The following ALCAM variants were observed in gnomAD, a reference collection of about 807,000 sequenced individuals.
The protein encoded by ALCAM is activated leukocyte cell adhesion molecule.
A neutral mutation model predicts 70.9 loss-of-function variants in ALCAM; 30 were observed. That is an observed-to-expected ratio of 0.42 (90% CI 0.32 to 0.57). ALCAM has a LOEUF of 0.57. ALCAM is among the 20% of genes least tolerant of loss of function. The pLI is 0.11. For synonymous variants in ALCAM, 249 were observed against 242.5 expected, an observed-to-expected ratio of 1.03 and a Z score of -0.25; for missense variants, 591 against 695.1, an observed-to-expected ratio of 0.85 and a Z score of 1.68.
intron 1 of ALCAM, among the ~76,000 whole-genome samples, chr3:105,386,735 G>A (rs1351669048): frequency 4.0e-5 from 6 of 151,196 alleles, no homozygotes; most frequent in Non-Finnish European, 7.4e-5. Context: ...AATTTGTGTG[G>A]AAAGTATATT....
intron 1 of ALCAM, among the ~76,000 whole-genome samples, chr3:105,512,720 G>C (rs767628111): frequency 4.5e-4 from 69 of 151,810 alleles, no homozygotes; most frequent in Non-Finnish European, 7.4e-5. Flanking sequence ...TTGAGAAAAT[G>C]AATCAGGGGA....
intron 1 of ALCAM, among the ~76,000 whole-genome samples, chr3:105,367,869 G>T (rs958365587): frequency 6.6e-6 from 1 of 151,992 alleles, no homozygotes; most frequent in East Asian, 1.9e-4. Context: ...TTTTTCTTTC[G>T]CTTAGTTCTC....
chr3:105,373,560 G>A (rs775989344), intron 1 of ALCAM, among the ~76,000 whole-genome samples: 8 of 151,982 alleles, frequency 5.3e-5, no homozygotes, highest in Non-Finnish European at 1.0e-4. Flanking sequence ...ACTTGCCTTT[G>A]GTGCAAAATC....
intron 1 of ALCAM, among the ~76,000 whole-genome samples, chr3:105,466,954 C>A (rs1484511993): frequency 6.6e-6 from 1 of 151,276 alleles, no homozygotes; most frequent in Admixed American, 6.6e-5. Context: ...ATTTATAGAG[C>A]AAAATGGCAT....
chr3:105,383,641 G>C (rs1341613901), intron 1 of ALCAM, among the ~76,000 whole-genome samples: 1 of 151,688 alleles, frequency 6.6e-6, no homozygotes, highest in Non-Finnish European at 1.5e-5. Flanking sequence ...TATGCAAATT[G>C]AGTGCTAAAA....
At chr3:105,434,297 C>T (rs62263606) in intron 1 of ALCAM, among the ~76,000 whole-genome samples, 23,777 of 151,942 alleles carry the variant, frequency 0.16, 2,125 homozygotes, top group Non-Finnish European at 0.21. Flanking sequence ...AATATTGGAG[C>T]GAGAAAACAT....
At chr3:105,425,725 G>A (rs999772742) in intron 1 of ALCAM, among the ~76,000 whole-genome samples, 21 of 150,714 alleles carry the variant, frequency 1.4e-4, no homozygotes, top group Admixed American at 7.3e-4. Flanking sequence ...ATATTAATAC[G>A]GCTGCTACTA....
In ALCAM at chr3:105,550,681, A is replaced by T. The variant is rs553603341; in HGVS notation, c.1507+422A>T. On this transcript the variant is annotated intron_variant, in intron 12 of 15. Transcript: ENST00000306107. Reference sequence around the variant, plus strand: ...TGCCTTCTAATTCTTTGTGGTATTTATCCTACCCTTATGTTGTACTAGAAT... The same window carrying T: ...TGCCTTCTAATTCTTTGTGGTATTTTTCCTACCCTTATGTTGTACTAGAAT... Among the ~76,000 whole-genome samples, 3 of 151,658 alleles carry T rather than the reference A, an allele frequency of 2.0e-5. No homozygotes were observed. In the South Asian group the frequency reaches 6.2e-4, roughly 31 times the overall value.
intron 1 of ALCAM, among the ~76,000 whole-genome samples, chr3:105,382,237 A>G (rs954025157): frequency 6.6e-6 from 1 of 151,696 alleles, no homozygotes; most frequent in African/African-American, 2.4e-5. Flanking sequence ...ATGATTTCCA[A>G]TTTCATCCAT....
intron 1 of ALCAM, among the ~76,000 whole-genome samples, chr3:105,432,575 T>C (rs1936960999): frequency 6.6e-6 from 1 of 152,110 alleles, no homozygotes; most frequent in Non-Finnish European, 1.5e-5. Flanking sequence ...TGATCCTCGG[T>C]TTCCTCATCT....
chr3:105,482,964 C>T (rs1938313968), intron 1 of ALCAM, among the ~76,000 whole-genome samples: 1 of 152,078 alleles, frequency 6.6e-6, no homozygotes, highest in Non-Finnish European at 1.5e-5. Flanking sequence ...ATAGAAACAA[C>T]TAAATTTCCC....
At chr3:105,385,241 G>T (rs1217451018) in intron 1 of ALCAM, among the ~76,000 whole-genome samples, 2 of 151,562 alleles carry the variant, frequency 1.3e-5, no homozygotes, top group Non-Finnish European at 3.0e-5. Context: ...CCTTATTTTA[G>T]TATATGTAAA....
chr3:105,422,129 A>C (rs1458855497), intron 1 of ALCAM, among the ~76,000 whole-genome samples: 1 of 151,402 alleles, frequency 6.6e-6, no homozygotes, highest in African/African-American at 2.4e-5. Context: ...ATTTAGAATA[A>C]TGGCCTCTGG....
intron 1 of ALCAM, among the ~76,000 whole-genome samples, chr3:105,412,401 C>T (rs1936412868): frequency 6.6e-6 from 1 of 152,026 alleles, no homozygotes; most frequent in South Asian, 2.1e-4. Flanking sequence ...AAATGCAGTA[C>T]TTGAAATTTA....
chr3:105,533,811 G>A (rs1373514667), intron 5 of ALCAM, 121 bp downstream of exon 5: 9 of 817,804 alleles, frequency 1.1e-5, no homozygotes, highest in Non-Finnish European at 1.7e-5. Context: ...CTGGTTTCAT[G>A]GAAGACAATT....
Position 105,499,211 on chromosome 3 carries a change from A to G in ALCAM, c.74-20856A>G, listed in dbSNP as rs549722256. Among the ~76,000 whole-genome samples, 20 of 152,324 alleles carry G rather than the reference A, an allele frequency of 1.3e-4. No homozygotes were observed. The South Asian group carries it at 2.9e-3, about 22-fold the overall frequency. ...CAAAGCCCTGTGGAGTGGCAACCCT[A>G]TATCTTTAATATCTAAGAACTAGAA... is the stretch of plus-strand genomic sequence containing the variant. On this transcript the variant is annotated intron_variant, in intron 1 of 15. Coordinates refer to ENST00000306107, the MANE Select transcript of ALCAM (RefSeq NM_001627.4).
intron 1 of ALCAM, among the ~76,000 whole-genome samples, chr3:105,498,704 A>G (rs1321154292): frequency 1.3e-5 from 2 of 152,212 alleles, no homozygotes; most frequent in Non-Finnish European, 2.9e-5. Context: ...TAAGGAATCT[A>G]GTAAAACATT....
At chr3:105,533,738 C>A in intron 5 of ALCAM, 48 bp downstream of exon 5, 2 of 1,555,052 alleles carry the variant, frequency 1.3e-6, no homozygotes, top group South Asian at 2.3e-5. Flanking sequence ...AGGACCTGTT[C>A]TGACTTTCTT....
intron 1 of ALCAM, among the ~76,000 whole-genome samples, chr3:105,473,420 C>G (rs553538679): frequency 6.6e-6 from 1 of 151,654 alleles, no homozygotes; most frequent in African/African-American, 2.4e-5. Context: ...CAGCCTGTAT[C>G]CCATGGTCTT....
Sources: gnomAD v4.1 joint callset for allele counts (sites outside exome capture counted in the v4.1 genomes callset) on GRCh38, gnomAD v4.1.1 for gene constraint, MANE v1.5 for transcripts, NCBI Gene and HGNC (gene_info 2026-07-23, HGNC 2026-07-21) for gene names.